The following BAHCC1 variants were observed in gnomAD, a reference collection of about 807,000 sequenced individuals.
BAHCC1 encodes the protein BAH and coiled-coil domain-containing protein 1.
BAHCC1 carries 43 observed loss-of-function variants against 88.2 expected under a neutral mutation model. The ratio of observed to expected loss-of-function variants is 0.49; its 90% confidence interval spans 0.38 to 0.63. The LOEUF (loss-of-function observed/expected upper bound fraction) is 0.63, where lower values mean the gene tolerates loss of function less well. BAHCC1 is among the 20% of genes least tolerant of loss of function. The probability of loss-of-function intolerance (pLI) is 0.00; values close to 1 mark genes in which losing one functional copy is unlikely to be tolerated. For missense variants in BAHCC1, 3,023 were observed against 1,654.8 expected (o/e 1.83, Z -14.34); for synonymous variants, 1,510 against 745.5 (o/e 2.03, Z -16.71).
rs2064317714 is a variant in BAHCC1, at chr17:81,435,087, C to T, written c.359-3283C>T. 6.6e-6 allele frequency among the ~76,000 whole-genome samples: 1 copy of T among 152,092 alleles called. No homozygotes were observed. The highest frequency in any genetic ancestry group is 1.5e-5 in the Non-Finnish European group (1 of 68,000). ...CCTCCCACTCCTCTGTCCTTCAGCC[C>T]TGCCCCAGGGGCACCCCCGACCCCC... On this transcript the variant is annotated intron_variant, in intron 3 of 27. Transcript: ENST00000675386. The surrounding 1 kb of genome is among the most constrained non-coding windows in gnomAD (Gnocchi z 4.4).
At position 81,457,468 on chromosome 17, in the gene BAHCC1, G is replaced by A. The variant is rs1555657592; in HGVS notation, c.4917G>A (p.Arg1639=). 3.9e-6 allele frequency: 3 copies of A among 771,412 alleles called. No homozygotes were observed. Among genetic ancestry groups the A allele is most frequent in the Admixed American group, 3.5e-5 (2 of 57,766 alleles). 47.8% of individuals were successfully genotyped at this position (771,412 alleles called of 1,614,324 possible). ...TCCTGGGGACAGAGGCACCACCCAG[G>A]GAAGCAGGGCTGCTGCTGCACACCG... ...EGLLGTEAPP[R]EAGLLLHTGA... is the part of the protein sequence containing the mutation. Residue 1639 remains arginine, a synonymous_variant, in exon 17 of 28, where the codon AGG becomes AGA. Transcript: ENST00000675386.
At chr17:81,418,782 T>C (rs1192430570) in intron 2 of BAHCC1, among the ~76,000 whole-genome samples, 2 of 132,356 alleles carry the variant, frequency 1.5e-5, no homozygotes, top group Non-Finnish European at 3.2e-5. Context: ...TGTACGTGTG[T>C]GTGTACGTGT....
At chr17:81,452,207 G>T in intron 13 of BAHCC1, 100 bp downstream of exon 13, 1 of 528,864 alleles carries the variant, frequency 1.9e-6, no homozygotes, top group Non-Finnish European at 3.3e-6. Context: ...GGCCAGGATT[G>T]GGCTCTGCCC....
chr17:81,453,635 G>A (rs575543985), intron 14 of BAHCC1, among the ~76,000 whole-genome samples: 3 of 151,948 alleles, frequency 2.0e-5, no homozygotes, highest in African/African-American at 4.8e-5. Context: ...TGTCTCCTGG[G>A]GGGGGGTCTC....
At chr17:81,449,911 G>A (rs782140941) in intron 11 of BAHCC1, among the ~76,000 whole-genome samples, 2 of 152,152 alleles carry the variant, frequency 1.3e-5, no homozygotes, top group Non-Finnish European at 2.9e-5. Flanking sequence ...AAGCAGCCAC[G>A]CACCATGGAG....
At chr17:81,460,778 C>G (rs1029331612) in intron 25 of BAHCC1, 72 bp downstream of exon 25, 7 of 773,782 alleles carry the variant, frequency 9.0e-6, no homozygotes, top group Non-Finnish European at 1.4e-5. Context: ...CCAGGAGGCC[C>G]GTGGGGTAGG....
At chr17:81,430,980 G>A (rs908573232) in intron 3 of BAHCC1, among the ~76,000 whole-genome samples, 6 of 151,048 alleles carry the variant, frequency 4.0e-5, no homozygotes, top group Non-Finnish European at 7.4e-5. Context: ...ACAGCGTGGG[G>A]GTCCCGGCGT....
chr17:81,446,800 A>G (rs1402585905), intron 10 of BAHCC1: 7 of 673,804 alleles, frequency 1.0e-5, no homozygotes, highest in Non-Finnish European at 1.6e-5. Context: ...TGATCCATCC[A>G]CCTCAGCCTC....
At chr17:81,430,565 C>T (rs1304895972) in intron 3 of BAHCC1, among the ~76,000 whole-genome samples, 3 of 152,238 alleles carry the variant, frequency 2.0e-5, no homozygotes, top group East Asian at 1.9e-4. Flanking sequence ...CTGTCCCCTT[C>T]GTCCCCTCTG....
rs2030539731 is a variant in BAHCC1, at chr17:81,464,156, TC to T, written c.*342del. ...ATATTCCCTAGTACCTCCGACTGTC[TC>T]CCACCAGGGAAAGCAGAAATCAGGT... On this transcript the variant is annotated 3_prime_UTR_variant, in exon 28 of 28. Transcript: ENST00000675386. 2 of 388,878 alleles carry T rather than the reference TC, an allele frequency of 5.1e-6. No homozygotes were observed. Among genetic ancestry groups the T allele is most frequent in the Non-Finnish European group, 9.5e-6 (2 of 210,656 alleles). 24.1% of individuals were successfully genotyped at this position (388,878 alleles called of 1,614,324 possible).
At position 81,445,347 on chromosome 17, in the gene BAHCC1, C is replaced by G. The variant is rs549419005; in HGVS notation, c.2836-7C>G. 1 of 771,282 alleles carries G rather than the reference C, an allele frequency of 1.3e-6. No individual in the cohort carries two copies. The highest frequency in any genetic ancestry group is 2.4e-6 in the Non-Finnish European group (1 of 414,678). The allele number at this position is 771,282 out of a possible 1,614,324, so 47.8% of individuals were successfully genotyped here. A position where few individuals can be genotyped will look rare whatever the true frequency, so the allele number is the denominator to read the frequency against. Reference sequence around the variant, plus strand: ...AGCCTGACCGAGCTTGCCCCCATCCCTGACAGCGGAAGCCCGAAGACCAGC... The same window carrying G: ...AGCCTGACCGAGCTTGCCCCCATCCGTGACAGCGGAAGCCCGAAGACCAGC... On this transcript the variant is annotated splice_region_variant and splice_polypyrimidine_tract_variant and intron_variant, in intron 9 of 27. Coordinates refer to ENST00000675386, the MANE Select transcript of BAHCC1 (RefSeq NM_001377448.1).
chr17:81,433,216 G>A (rs8078642), intron 3 of BAHCC1, among the ~76,000 whole-genome samples: 2 of 151,910 alleles, frequency 1.3e-5, no homozygotes, highest in East Asian at 2.0e-4. Flanking sequence ...TTGCTGTGCC[G>A]CCCCGCAACC....
Position 81,458,738 on chromosome 17 carries a change from C to T in BAHCC1, c.5448+13C>T, listed in dbSNP as rs375340110. ...GGCCGGCAAGCAGGTAGCAGCCCCC[C>T]ACTCTGGGAGCCCACTGTGCACCCA... On this transcript the variant is annotated intron_variant, in intron 19 of 27. Transcript: ENST00000675386. 79 of 739,060 alleles carry T rather than the reference C, an allele frequency of 1.1e-4. No individual in the cohort carries two copies. Among genetic ancestry groups the T allele is most frequent in the Non-Finnish European group, 5.0e-5 (20 of 397,650 alleles). 45.8% of individuals were successfully genotyped at this position (739,060 alleles called of 1,614,324 possible).
At position 81,435,219 on chromosome 17, in the gene BAHCC1, G is replaced by A. The variant is rs114735585; in HGVS notation, c.359-3151G>A. ...TCAGGCCTGGGGGTGGTTGGGAGGG[G>A]TCTGGGGGTGTGGCCATTGTGTCCC... On this transcript the variant is annotated intron_variant, in intron 3 of 27. Transcript: ENST00000675386. The surrounding 1 kb of genome is among the most constrained non-coding windows in gnomAD (Gnocchi z 4.4). Among the ~76,000 whole-genome samples the A allele has an allele frequency of 3.2e-3, 488 of 152,278 alleles. 3 individuals are homozygous for A. Among genetic ancestry groups the A allele is most frequent in the African/African-American group, 0.011 (466 of 41,556 alleles).
chr17:81,461,794 C>G lies in BAHCC1; in HGVS notation c.7131C>G (p.Arg2377=), dbSNP rs1555659555. The G allele has an allele frequency of 2.8e-6, 2 of 716,212 alleles. No individual in the cohort carries two copies. The highest frequency in any genetic ancestry group is 4.0e-5 in the Admixed American group (2 of 50,056). The allele number at this position is 716,212 out of a possible 1,614,324, so 44.4% of individuals were successfully genotyped here. Reference sequence around the variant, plus strand: ...TCCTGGCCCAGCCCGAGGCCCTGCGCTCCAAGGGCAGCGGCCCTCACGCGC... The same window carrying G: ...TCCTGGCCCAGCCCGAGGCCCTGCGGTCCAAGGGCAGCGGCCCTCACGCGC... ...PTLLAQPEAL[R]SKGSGPHAHA... Residue 2377 remains arginine (R), a synonymous_variant, in exon 26 of 28, where the codon CGC becomes CGG. Transcript: ENST00000675386.
At chr17:81,459,455 A>G (rs4969273) in intron 22 of BAHCC1, 41 bp from the exon 23 acceptor site, 582,862 of 775,224 alleles carry the variant, frequency 0.75, 223,051 homozygotes, top group Non-Finnish European at 0.81. Context: ...GCCCTGGGCC[A>G]GGCCCCACCT....
rs367845294 is a variant in BAHCC1 at position 81,459,338 on chromosome 17, G to C, written c.5796+10G>C. 5 of 776,986 alleles carry C rather than the reference G, an allele frequency of 6.4e-6. No homozygotes were observed. Among genetic ancestry groups the C allele is most frequent in the South Asian group, 1.3e-5 (1 of 74,374 alleles). 48.1% of individuals were successfully genotyped at this position (776,986 alleles called of 1,614,324 possible). ...GCTGCTGCAGGAAGCGGTGAGGACC[G>C]GGCCGGCCCGCCCCGGGGAGGGGCC... On this transcript the variant is annotated intron_variant, in intron 22 of 27. Transcript: ENST00000675386.
In BAHCC1 at chr17:81,456,471, G is replaced by T. The variant is rs1306096571; in HGVS notation, c.4744G>T (p.Ala1582Ser). 1 of 720,990 alleles carries T rather than the reference G, an allele frequency of 1.4e-6. No homozygotes were observed. The highest frequency in any genetic ancestry group is 2.6e-6 in the Non-Finnish European group (1 of 387,304). The allele number at this position is 720,990 out of a possible 1,614,324, so 44.7% of individuals were successfully genotyped here. Reference protein sequence around the residue: ...GGRIREKLSRAKSAKVSGATR... With the variant: ...GGRIREKLSRSKSAKVSGATR... ...GCGCATCCGGGAGAAGCTGTCCCGA[G>T]CCAAGAGTGCCAAGGTGTCTGGGGC... The change falls in exon 16 of 28, where the codon GCC (alanine) becomes TCC (serine). Residue 1582 changes from alanine to serine, a missense_variant. Coordinates refer to ENST00000675386, the MANE Select transcript of BAHCC1 (RefSeq NM_001377448.1).
At chr17:81,436,900 C>A (rs1326035737) in intron 3 of BAHCC1, among the ~76,000 whole-genome samples, 4 of 152,314 alleles carry the variant, frequency 2.6e-5, no homozygotes, top group Middle Eastern at 6.8e-3. Flanking sequence ...GTGCTCACGC[C>A]CTACACGACT....
Sources: gnomAD v4.1 joint callset for allele counts (sites outside exome capture counted in the v4.1 genomes callset) on GRCh38, gnomAD v4.1.1 for gene constraint, Gnocchi (gnomAD v3.1) non-coding constraint, MANE v1.5 for transcripts, NCBI Gene and HGNC (gene_info 2026-07-23, HGNC 2026-07-21) for gene names.